Variants in GALC observed in about 807,000 individuals in gnomAD.
GALC encodes galactosylceramidase.
A neutral mutation model predicts 91.8 loss-of-function variants in GALC; 77 were observed. The ratio of observed to expected loss-of-function variants is 0.84; its 90% CI spans 0.70 to 1.01. GALC has a LOEUF of 1.01. Among genes scored for constraint, GALC ranks in the 50% least tolerant of loss-of-function variants. The pLI, the probability that GALC is intolerant of heterozygous loss-of-function variation, is 0.00. For synonymous variants in GALC, 357 were observed against 306.7 expected (o/e 1.16, Z -1.71); for missense variants, 882 against 855.9 (o/e 1.03, Z -0.38).
chr14:87,954,315 G>A (rs1483805002), intron 10 of GALC: 9 of 1,585,138 alleles, frequency 5.7e-6, no homozygotes, highest in South Asian at 2.2e-5. Context: ...TATACTGACA[G>A]AGGCAGTATA....
At chr14:87,963,078 A>G in intron 10 of GALC, among the ~76,000 whole-genome samples, 1 of 152,162 alleles carries the variant, frequency 6.6e-6, no homozygotes, top group East Asian at 1.9e-4. Flanking sequence ...CCATATACAT[A>G]TCAGGGCAAG....
chr14:87,986,401 G>A lies in GALC; in HGVS notation c.442+88C>T, dbSNP rs1000410233. On this transcript the variant is annotated intron_variant, in intron 4 of 16. Transcript: ENST00000261304. ...CATTAATGACATTATGAGTACTTCC[G>A]TATTAATAGAGATTCCACCAACACG... 7.3e-6 allele frequency: 6 copies of A among 825,236 alleles called. No homozygotes were observed. The East Asian group carries it at 7.8e-5, about 11-fold the overall frequency. The allele number at this position is 825,236 out of a possible 1,614,324, so 51.1% of individuals were successfully genotyped here.
chr14:87,978,696 G>T (rs1886613184), intron 6 of GALC, among the ~76,000 whole-genome samples: 1 of 149,410 alleles, frequency 6.7e-6, no homozygotes, highest in South Asian at 2.1e-4. Flanking sequence ...TGAAGTGAAT[G>T]AAGGTCCAAA....
Position 87,963,429 on chromosome 14 carries a change from A to G in GALC, c.1116T>C (p.Ala372=), listed in dbSNP as rs773446479. 13 of 1,613,514 alleles carry G rather than the reference A, an allele frequency of 8.1e-6. No homozygotes were observed. In the South Asian group the frequency reaches 1.4e-4, roughly 18 times the overall value. Residue 372 remains alanine, a synonymous_variant, in exon 10 of 17, where the codon GCT becomes GCC. Transcript: ENST00000261304. ...TGAGGTTCCCTAAGCCATCAGTCAG[A>G]GCTACGTAGCTTCCTCCTTTCTCTA... ...GHLEKGGSYV[A]LTDGLGNLTI...
At chr14:87,976,673 G>A in intron 6 of GALC, 185 bp from the exon 7 acceptor site, 1 of 532,656 alleles carries the variant, frequency 1.9e-6, no homozygotes, top group Non-Finnish European at 3.4e-6. Flanking sequence ...GGAGTGCAGT[G>A]GCAGGATCTC....
intron 16 of GALC, 82 bp downstream of exon 16, chr14:87,939,823 C>T (rs1884758588): frequency 2.0e-6 from 2 of 992,190 alleles, no homozygotes; most frequent in Non-Finnish European, 3.2e-6. Flanking sequence ...CACACTTTCC[C>T]CCTCCTATTT....
Position 87,945,666 on chromosome 14 carries a change from AT to A in GALC, c.1556del (p.Asn519IlefsTer34). ...AGTGATGCTCGCCAGGGTCTTCAAT[AT>A]TTGTAAAATATTCAAATACACCAGT... ...DQTGVFEYFT[N>X]IEDPGEHHFT... On this transcript the variant is annotated frameshift_variant, in exon 14 of 17. Coordinates refer to ENST00000261304, the MANE Select transcript of GALC (RefSeq NM_000153.4). LOFTEE classifies it high-confidence loss of function. 1 of 1,612,258 alleles carries A rather than the reference AT, an allele frequency of 6.2e-7. No homozygotes were observed.
chr14:87,988,360 A>G (rs1567014457), intron 2 of GALC, 95 bp downstream of exon 2: 1 of 1,287,906 alleles, frequency 7.8e-7, no homozygotes, highest in East Asian at 2.3e-5. Context: ...TTTTTTCAAA[A>G]ACTAGAATTG....
In GALC at chr14:87,963,431, C is replaced by A. The variant is rs759286485; in HGVS notation, c.1114G>T (p.Ala372Ser). 4.8e-5 allele frequency: 78 copies of A among 1,613,334 alleles called. No homozygotes were observed. The Middle Eastern group carries it at 1.6e-3, about 34-fold the overall frequency. The change falls in exon 10 of 17, where the codon GCT (alanine) becomes TCT (serine). Residue 372 changes from alanine (A) to serine (S), a missense_variant. Physicochemically the swap from Ala to Ser is moderately conservative, Grantham distance 99 (BLOSUM62 1). Transcript: ENST00000261304. Reference sequence around the variant, plus strand: ...AGGTTCCCTAAGCCATCAGTCAGAGCTACGTAGCTTCCTCCTTTCTCTAAA... The same window carrying A: ...AGGTTCCCTAAGCCATCAGTCAGAGATACGTAGCTTCCTCCTTTCTCTAAA... ...GHLEKGGSYV[A>S]LTDGLGNLTI...
intron 13 of GALC, 35 bp from the exon 14 acceptor site, chr14:87,945,768 C>G (rs770823250): frequency 1.3e-5 from 19 of 1,488,522 alleles, no homozygotes; most frequent in Non-Finnish European, 1.8e-5. Flanking sequence ...TGTTTAGTAT[C>G]AAATCCTTCA....
chr14:87,963,314 T>C (rs373149766), intron 10 of GALC, 70 bp downstream of exon 10: 127 of 1,472,138 alleles, frequency 8.6e-5, no homozygotes, highest in Non-Finnish European at 1.1e-4. Context: ...AACAAAAGTA[T>C]TCAGTTTTAT....
chr14:87,934,133 TAA>T lies in GALC; in HGVS notation c.*597_*598del. ...AGAAATAGTGTTAGAGGTAGTTTATTAAAGAGGCATTTTTAAAATCATCCCAC... is the reference window on the plus strand; with the variant it reads ...AGAAATAGTGTTAGAGGTAGTTTATTAGAGGCATTTTTAAAATCATCCCAC... On this transcript the variant is annotated 3_prime_UTR_variant, in exon 17 of 17. Transcript: ENST00000261304. 7.0e-7 allele frequency: 1 copy of T among 1,432,600 alleles called. No individual in the cohort carries two copies. Among genetic ancestry groups the T allele is most frequent in the Non-Finnish European group, 9.2e-7 (1 of 1,091,960 alleles). 88.7% of individuals were successfully genotyped at this position (1,432,600 alleles called of 1,614,324 possible).
chr14:87,934,447 G>C lies in GALC; in HGVS notation c.*285C>G, dbSNP rs1176965268. ...TCAGTGTTAGCAGCAAGGCTTCGAG[G>C]TCTGTACTACTCAAACCACTCCTAA... On this transcript the variant is annotated 3_prime_UTR_variant, in exon 17 of 17. Transcript: ENST00000261304. 2.3e-6 allele frequency: 3 copies of C among 1,330,174 alleles called. No individual in the cohort carries two copies. Among genetic ancestry groups the C allele is most frequent in the Non-Finnish European group, 2.9e-6 (3 of 1,036,412 alleles). The allele number at this position is 1,330,174 out of a possible 1,614,324, so 82.4% of individuals were successfully genotyped here.
At chr14:87,945,780 A>G (rs765007820) in intron 13 of GALC, 47 bp from the exon 14 acceptor site, 1 of 1,375,196 alleles carries the variant, frequency 7.3e-7, no homozygotes, top group Non-Finnish European at 1.0e-6. Context: ...AATCCTTCAG[A>G]AGCTCTCCTT....
chr14:87,993,387 G>A (rs181004720), upstream of GALC: 171 of 1,535,804 alleles, frequency 1.1e-4, no homozygotes, highest in African/African-American at 2.1e-3. Context: ...ACTTACTGCT[G>A]GCTTCTCTTC....
At chr14:87,992,730 G>T in intron 1 of GALC, 1 of 1,423,694 alleles carries the variant, frequency 7.0e-7, no homozygotes, top group Non-Finnish European at 9.1e-7. Flanking sequence ...ATACTCTCTG[G>T]ACCTCCGGAT....
chr14:87,959,089 G>A (rs1885688629), intron 10 of GALC, among the ~76,000 whole-genome samples: 1 of 151,986 alleles, frequency 6.6e-6, no homozygotes, highest in African/African-American at 2.4e-5. Flanking sequence ...ATGAGACAAG[G>A]GGTTAATATC....
At chr14:87,985,637 C>A (rs906083570) in intron 4 of GALC, among the ~76,000 whole-genome samples, 1 of 152,152 alleles carries the variant, frequency 6.6e-6, no homozygotes, top group South Asian at 2.1e-4. Context: ...TTTCATTAAC[C>A]TGATTGTTGA....
chr14:87,943,965 T>C (rs1314160033), intron 14 of GALC, among the ~76,000 whole-genome samples: 1 of 151,910 alleles, frequency 6.6e-6, no homozygotes, highest in Non-Finnish European at 1.5e-5. Context: ...GGGAATAACA[T>C]GATGAAAACA....
Sources: gnomAD v4.1 joint callset for allele counts (sites outside exome capture counted in the v4.1 genomes callset) on GRCh38, gnomAD v4.1.1 for gene constraint, MANE v1.5 for transcripts, NCBI Gene and HGNC (gene_info 2026-07-23, HGNC 2026-07-21) for gene names.